The following MPRIP variants were observed in gnomAD, a reference collection of about 807,000 sequenced individuals.
MPRIP encodes the protein myosin phosphatase Rho interacting protein, also known as myosin phosphatase Rho-interacting protein.
A neutral mutation model predicts 234.9 loss-of-function variants in MPRIP; 59 were observed. The observed-to-expected ratio is 0.25, with a 90% confidence interval of 0.20 to 0.31. MPRIP has a LOEUF of 0.31. MPRIP is among the 10% of genes least tolerant of loss of function. The probability of loss-of-function intolerance (pLI) is 1.00; values close to 1 mark genes in which losing one functional copy is unlikely to be tolerated. For synonymous variants in MPRIP, 1,144 were observed against 1,263.9 expected, an observed-to-expected ratio of 0.91 and a Z score of 2.01; for missense variants, 2,436 against 3,071.0, an observed-to-expected ratio of 0.79 and a Z score of 4.89.
intron 10 of MPRIP, 61 bp from the exon 11 acceptor site, chr17:17,147,258 C>T (rs377366598): frequency 1.4e-5 from 22 of 1,521,494 alleles, no homozygotes; most frequent in African/African-American, 2.7e-5. Flanking sequence ...ACCGCCGTGG[C>T]GTGGCAGGCA....
chr17:17,177,558 C>T (rs917980537), intron 22 of MPRIP, 146 bp downstream of exon 22: 48 of 844,540 alleles, frequency 5.7e-5, no homozygotes, highest in Non-Finnish European at 8.2e-5. Flanking sequence ...GGAGCACCAG[C>T]TTCACACGGC....
Position 17,165,892 on chromosome 17 carries a change from G to A in MPRIP, c.4301G>A (p.Arg1434His), listed in dbSNP as rs556249146. The stretch of plus-strand genomic sequence containing the variant: ...GAGGCCCAGCTGCGTGAGCAGCTCC[G>A]CGCCAGCCTGCTCCAGGTTGGCGCA... ...GTEAQLREQL[R>H]ASLLQVGALA... is the part of the protein sequence containing the mutation. The change falls in exon 16 of 24, where the codon CGC (arginine) becomes CAC (histidine). Residue 1434 changes from arginine (R) to histidine (H), a missense_variant. Arg to His is a conservative substitution (Grantham distance 29). Around this residue, in one of 4 missense-constraint regions of MPRIP, gnomAD observed 1,998 missense variants for 2,520.3 expected, o/e 0.79. Transcript: ENST00000651222. 2.1e-5 allele frequency: 28 copies of A among 1,303,912 alleles called. No individual in the cohort carries two copies. In the East Asian group the frequency reaches 5.6e-4, roughly 26 times the overall value. 80.8% of individuals were successfully genotyped at this position (1,303,912 alleles called of 1,614,324 possible). A position where few individuals can be genotyped will look rare whatever the true frequency, so the allele number is the denominator to read the frequency against.
At chr17:17,160,860 C>G (rs190432014) in intron 14 of MPRIP, among the ~76,000 whole-genome samples, 8 of 152,288 alleles carry the variant, frequency 5.3e-5, no homozygotes, top group Admixed American at 5.2e-4. Flanking sequence ...AGATGCAAAA[C>G]CCTTGTTCCC....
intron 1 of MPRIP, chr17:17,057,520 G>C: frequency 1.4e-6 from 1 of 696,176 alleles, no homozygotes; most frequent in South Asian, 1.5e-5. Context: ...TGCTGGCAGA[G>C]GGCCCACAGA....
At chr17:17,144,817 C>T (rs1209293044) in intron 9 of MPRIP, among the ~76,000 whole-genome samples, 1 of 152,196 alleles carries the variant, frequency 6.6e-6, no homozygotes, top group Non-Finnish European at 1.5e-5. Context: ...GATCGCGCCA[C>T]TGCACTCCGG....
chr17:17,124,604 C>G (rs1263102857), intron 3 of MPRIP, among the ~76,000 whole-genome samples: 1 of 152,184 alleles, frequency 6.6e-6, no homozygotes, highest in Non-Finnish European at 1.5e-5. Flanking sequence ...TTCTGACACT[C>G]TAGTAACGAG....
rs2046565879 is a variant in MPRIP at position 17,190,502 on chromosome 17, A to C, written c.*5608A>C. 3.3e-5 allele frequency: 5 copies of C among 152,376 alleles called. No individual in the cohort carries two copies. The South Asian group carries it at 1.0e-3, about 32-fold the overall frequency. The allele number at this position is 152,376 out of a possible 1,614,324, so 9.4% of individuals were successfully genotyped here. A position where few individuals can be genotyped will look rare whatever the true frequency, so the allele number is the denominator to read the frequency against. On this transcript the variant is annotated 3_prime_UTR_variant, in exon 24 of 24. Coordinates refer to ENST00000651222, the MANE Select transcript of MPRIP (RefSeq NM_001364716.4). ...ACCGTGCTGTAGGCTCTTTAAAAGG[A>C]AAGCCTGGCATAAACCCAGCATGGA... is the stretch of plus-strand genomic sequence containing the variant.
At chr17:17,149,777 TTAAAATTTTTAAA>T (rs2045559030) in intron 11 of MPRIP, 1 of 148,804 alleles carries the variant, frequency 6.7e-6, no homozygotes, top group Non-Finnish European at 1.5e-5. Flanking sequence ...TATTTTTAAA[TTAAAATTTTTAAA>T]ATATTTACAT....
chr17:17,095,176 T>C (rs2089811244), intron 3 of MPRIP, among the ~76,000 whole-genome samples: 1 of 152,198 alleles, frequency 6.6e-6, no homozygotes, highest in Admixed American at 6.5e-5. Context: ...TGCAGTACTT[T>C]CTCTAATCAT....
In MPRIP at chr17:17,064,664, G is replaced by A. The variant is rs555599159; in HGVS notation, c.124-11046G>A. ...CATACAACCTGGAACCTTTGAGATT[G>A]GCTTTTTTCACCTAGAATTCTCTGG... On this transcript the variant is annotated intron_variant, in intron 1 of 23. Transcript: ENST00000651222. Among the ~76,000 whole-genome samples the A allele has an allele frequency of 2.8e-4, 43 of 152,236 alleles. No individual in the cohort carries two copies. In the South Asian group the frequency reaches 8.7e-3, roughly 31 times the overall value.
At chr17:17,055,929 A>C (rs2088681844) in intron 1 of MPRIP, among the ~76,000 whole-genome samples, 1 of 152,170 alleles carries the variant, frequency 6.6e-6, no homozygotes. Flanking sequence ...CAGAAGGCGG[A>C]GTTAAGAGAA....
At chr17:17,159,030 C>T (rs2045803648) in intron 14 of MPRIP, 28 bp downstream of exon 14, 2 of 1,580,840 alleles carry the variant, frequency 1.3e-6, no homozygotes, top group Non-Finnish European at 1.7e-6. Flanking sequence ...GATCCCCACC[C>T]TGCTCCCAGC....
chr17:17,083,370 A>G (rs1442785833), intron 3 of MPRIP, among the ~76,000 whole-genome samples: 1 of 152,182 alleles, frequency 6.6e-6, no homozygotes, highest in Non-Finnish European at 1.5e-5. Flanking sequence ...AGGTGCAGAC[A>G]GGTTAGGATT....
intron 1 of MPRIP, among the ~76,000 whole-genome samples, chr17:17,063,314 G>C (rs2088922668): frequency 6.6e-6 from 1 of 152,228 alleles, no homozygotes; most frequent in South Asian, 2.1e-4. Context: ...TGTACTGGGT[G>C]CTTCACTGGA....
chr17:17,097,569 A>G (rs2144192490), intron 3 of MPRIP, among the ~76,000 whole-genome samples: 1 of 152,288 alleles, frequency 6.6e-6, no homozygotes, highest in African/African-American at 2.4e-5. Flanking sequence ...GCTACACCCC[A>G]TTCCATTGGG....
At chr17:17,111,421 G>A (rs11653655) in intron 3 of MPRIP, among the ~76,000 whole-genome samples, 1 of 152,144 alleles carries the variant, frequency 6.6e-6, no homozygotes, top group East Asian at 1.9e-4. Context: ...CAGGTCATGA[G>A]AGGAAAGCTA....
Position 17,136,455 on chromosome 17 carries a change from G to A in MPRIP, c.736+5G>A, listed in dbSNP as rs2090701398. 1 of 1,606,270 alleles carries A rather than the reference G, an allele frequency of 6.2e-7. No homozygotes were observed. Among genetic ancestry groups the A allele is most frequent in the Admixed American group, 1.7e-5 (1 of 59,202 alleles). On this transcript the variant is annotated splice_donor_5th_base_variant and intron_variant, in intron 6 of 23. Transcript: ENST00000651222. ...CTGGGCTAGAGAGCAAAGAAGGTGA[G>A]CGGAGGCCAGGCTGGCTTGTATGCA...
rs1408729340 is a variant in MPRIP, at chr17:17,165,668, A to G, written c.4077A>G (p.Glu1359=). 4.6e-6 allele frequency: 6 copies of G among 1,305,122 alleles called. No homozygotes were observed. The highest frequency in any genetic ancestry group is 6.1e-6 in the Non-Finnish European group (6 of 989,042). The allele number at this position is 1,305,122 out of a possible 1,614,324, so 80.8% of individuals were successfully genotyped here. A position where few individuals can be genotyped will look rare whatever the true frequency, so the allele number is the denominator to read the frequency against. ...GCCAGGACCGGTCACCCTCGGAAGAAAGCATGTCCTCAGAGCCTGCACCCA... is the reference window on the plus strand; with the variant it reads ...GCCAGGACCGGTCACCCTCGGAAGAGAGCATGTCCTCAGAGCCTGCACCCA... The part of the protein sequence containing the change: ...DTSQDRSPSE[E]SMSSEPAPSV... The change falls in exon 16 of 24, where the codon GAA becomes GAG. Residue 1359 remains glutamate, a synonymous_variant. Coordinates refer to ENST00000651222, the MANE Select transcript of MPRIP (RefSeq NM_001364716.4).
chr17:17,096,405 A>G (rs1046588094), intron 3 of MPRIP, among the ~76,000 whole-genome samples: 31 of 151,822 alleles, frequency 2.0e-4, no homozygotes, highest in Admixed American at 1.6e-3. Context: ...CATTAAATGT[A>G]CCATCTATAA....
Sources: allele counts gnomAD v4.1 joint callset (sites outside exome capture counted in the v4.1 genomes callset), GRCh38; gene constraint gnomAD v4.1.1; regional missense constraint gnomAD v4.1.1; transcripts MANE v1.5; gene names NCBI Gene and HGNC (gene_info 2026-07-23, HGNC 2026-07-21).